Variants in CNTN6 observed in about 807,000 individuals in gnomAD.
The protein encoded by CNTN6 is contactin-6.
A neutral mutation model predicts 122.8 loss-of-function variants in CNTN6; 137 were observed. The ratio of observed to expected loss-of-function variants is 1.12; its 90% CI spans 0.97 to 1.29. The LOEUF is 1.29. Among genes scored for constraint, CNTN6 ranks in the 50% most tolerant of loss-of-function variants. The pLI is 0.00. For synonymous variants in CNTN6, 570 were observed against 426.0 expected (o/e 1.34, Z -4.16); for missense variants, 1,634 against 1,223.4 (o/e 1.34, Z -5.01).
chr3:1,298,002 T>C lies in CNTN6; in HGVS notation c.761+11T>C, dbSNP rs1394363889. ...TTTTGCCCTTGGAAAGTAAGGTTTT[T>C]GTTTTTGTTTTTGTTTTCCTGGTTG... On this transcript the variant is annotated intron_variant, in intron 7 of 22. Coordinates refer to ENST00000446702, the MANE Select transcript of CNTN6 (RefSeq NM_001289080.2). 1.2e-5 allele frequency: 8 copies of C among 683,024 alleles called. No homozygotes were observed. The highest frequency in any genetic ancestry group is 1.6e-5 in the Non-Finnish European group (8 of 500,102). The allele number at this position is 683,024 out of a possible 1,614,324, so 42.3% of individuals were successfully genotyped here.
chr3:1,321,232 C>T (rs1447994417), intron 7 of CNTN6, among the ~76,000 whole-genome samples: 2 of 151,722 alleles, frequency 1.3e-5, no homozygotes, highest in Admixed American at 6.6e-5. Flanking sequence ...GTCATGTTCT[C>T]ACAAAGAATT....
chr3:1,114,160 C>T lies in CNTN6; in HGVS notation c.-83+21040C>T, dbSNP rs971549739. Reference sequence around the variant, plus strand: ...CTTGATGAGTATACACCATTATAATCGCAGACTTTGGCAGAACGGGAGGGT... The same window carrying T: ...CTTGATGAGTATACACCATTATAATTGCAGACTTTGGCAGAACGGGAGGGT... On this transcript the variant is annotated intron_variant, in intron 1 of 22. Coordinates refer to ENST00000446702, the MANE Select transcript of CNTN6 (RefSeq NM_001289080.2). Among the ~76,000 whole-genome samples the T allele has an allele frequency of 9.9e-5, 15 of 152,224 alleles. No homozygotes were observed. In the East Asian group the frequency reaches 1.5e-3, roughly 16 times the overall value.
chr3:1,343,854 C>G (rs1704249627), intron 11 of CNTN6, among the ~76,000 whole-genome samples: 1 of 152,094 alleles, frequency 6.6e-6, no homozygotes, highest in East Asian at 1.9e-4. Flanking sequence ...AACAGAAACT[C>G]AGGCACATAT....
intron 1 of CNTN6, among the ~76,000 whole-genome samples, chr3:1,127,981 C>T (rs1315437892): frequency 2.0e-5 from 3 of 151,844 alleles, no homozygotes; most frequent in Non-Finnish European, 4.4e-5. Context: ...CCTACAGTTT[C>T]AAAGTTTTGT....
chr3:1,300,472 G>C (rs923220173), intron 7 of CNTN6, among the ~76,000 whole-genome samples: 4 of 140,218 alleles, frequency 2.9e-5, no homozygotes, highest in African/African-American at 9.0e-5. Context: ...AGGAAGGAAG[G>C]AAGGAAGGAA....
intron 2 of CNTN6, among the ~76,000 whole-genome samples, chr3:1,178,054 C>T (rs1478232183): frequency 6.6e-6 from 1 of 151,996 alleles, no homozygotes; most frequent in Non-Finnish European, 1.5e-5. Flanking sequence ...GCACCAACCA[C>T]CACGCCTGAT....
intron 2 of CNTN6, among the ~76,000 whole-genome samples, chr3:1,207,952 GC>G (rs2093980452): frequency 6.6e-6 from 1 of 151,836 alleles, no homozygotes; most frequent in South Asian, 2.1e-4. Flanking sequence ...AATCTCTAAT[GC>G]TGTCTTTGCC....
At chr3:1,172,525 T>A (rs1280068502) in intron 2 of CNTN6, among the ~76,000 whole-genome samples, 1 of 152,206 alleles carries the variant, frequency 6.6e-6, no homozygotes, top group Non-Finnish European at 1.5e-5. Flanking sequence ...TTTAAATAAA[T>A]GGTCATTTCA....
intron 2 of CNTN6, among the ~76,000 whole-genome samples, chr3:1,190,302 C>T (rs535155371): frequency 2.4e-4 from 37 of 152,252 alleles, no homozygotes; most frequent in South Asian, 4.1e-4. Flanking sequence ...CTCCAAATAC[C>T]GTCACATCGG....
intron 11 of CNTN6, among the ~76,000 whole-genome samples, chr3:1,335,030 T>A (rs1039155647): frequency 6.6e-6 from 1 of 152,164 alleles, no homozygotes; most frequent in Non-Finnish European, 1.5e-5. Flanking sequence ...ACATTCTTCT[T>A]GCCCTTTCTT....
chr3:1,249,231 A>G (rs995976836), intron 4 of CNTN6, among the ~76,000 whole-genome samples: 1 of 152,178 alleles, frequency 6.6e-6, no homozygotes, highest in Non-Finnish European at 1.5e-5. Context: ...GGGAAAAACA[A>G]ATGGTAATTG....
chr3:1,363,849 A>G (rs999836004), intron 12 of CNTN6, among the ~76,000 whole-genome samples: 3 of 151,910 alleles, frequency 2.0e-5, no homozygotes, highest in Non-Finnish European at 4.4e-5. Context: ...GTTTTCCATA[A>G]TAGCTGTACC....
intron 2 of CNTN6, among the ~76,000 whole-genome samples, chr3:1,181,118 T>C (rs2093547019): frequency 6.6e-6 from 1 of 152,156 alleles, no homozygotes; most frequent in Non-Finnish European, 1.5e-5. Flanking sequence ...TGACCTTTTT[T>C]CCCCTTTGAT....
intron 5 of CNTN6, among the ~76,000 whole-genome samples, chr3:1,284,341 C>A (rs1693988228): frequency 6.6e-6 from 1 of 152,180 alleles, no homozygotes; most frequent in South Asian, 2.1e-4. Context: ...TCCCCTTCCT[C>A]CAGTTGGTGT....
chr3:1,137,048 C>T (rs1358060859), intron 1 of CNTN6, among the ~76,000 whole-genome samples: 1 of 152,202 alleles, frequency 6.6e-6, no homozygotes, highest in African/African-American at 2.4e-5. Flanking sequence ...AGCCTACCTC[C>T]TGGCACCCCA....
intron 7 of CNTN6, among the ~76,000 whole-genome samples, chr3:1,316,790 A>C (rs527821929): frequency 6.6e-6 from 1 of 151,956 alleles, no homozygotes; most frequent in East Asian, 1.9e-4. Flanking sequence ...TAAAACATTA[A>C]AGCTCGCTAC....
At chr3:1,216,958 A>G (rs535759822) in intron 2 of CNTN6, among the ~76,000 whole-genome samples, 1 of 152,278 alleles carries the variant, frequency 6.6e-6, no homozygotes, top group Non-Finnish European at 1.5e-5. Flanking sequence ...CTTCTCTTTA[A>G]TAATAATGAT....
At chr3:1,164,014 C>A (rs1559433835) in intron 2 of CNTN6, among the ~76,000 whole-genome samples, 2 of 152,174 alleles carry the variant, frequency 1.3e-5, no homozygotes, top group South Asian at 2.1e-4. Context: ...TTCAGAATTT[C>A]TCTTCCCTAT....
At chr3:1,325,763 G>A in intron 8 of CNTN6, 52 bp from the exon 9 acceptor site, 1 of 1,588,060 alleles carries the variant, frequency 6.3e-7, no homozygotes, top group Non-Finnish European at 8.6e-7. Context: ...GTAGCATAAT[G>A]TCTTGGATAA....
Sources: gnomAD v4.1 joint callset for allele counts (sites outside exome capture counted in the v4.1 genomes callset) on GRCh38, gnomAD v4.1.1 for gene constraint, MANE v1.5 for transcripts, NCBI Gene and HGNC (gene_info 2026-07-23, HGNC 2026-07-21) for gene names.